The following SMAD3 variants were observed in gnomAD, a reference collection of about 807,000 sequenced individuals.
SMAD3 encodes the protein SMAD family member 3.
A neutral mutation model predicts 51.8 loss-of-function variants in SMAD3; 12 were observed. The ratio of observed to expected loss-of-function variants is 0.23; its 90% CI spans 0.15 to 0.38. The LOEUF is 0.38. Among genes scored for constraint, SMAD3 ranks in the 10% least tolerant of loss-of-function variants. SMAD3 has a pLI of 1.00. For synonymous variants in SMAD3, 238 were observed against 227.7 expected (o/e 1.05, Z -0.41); for missense variants, 294 against 565.6 (o/e 0.52, Z 4.87).
intron 8 of SMAD3, 29 bp from the exon 9 acceptor site, chr15:67,190,384 C>CA: frequency 6.2e-7 from 1 of 1,608,918 alleles, no homozygotes; most frequent in Non-Finnish European, 8.5e-7. Context: ...TTAAGTCCCC[C>CA]ACCCCACCCC....
intron 1 of SMAD3, among the ~76,000 whole-genome samples, chr15:67,079,706 A>G (rs2140203132): frequency 6.6e-6 from 1 of 152,270 alleles, no homozygotes; most frequent in South Asian, 2.1e-4. Context: ...ATGTTTACAG[A>G]GGAGGAGGCT....
intron 1 of SMAD3, 145 bp downstream of exon 1, chr15:67,066,505 G>C: frequency 2.8e-6 from 2 of 703,654 alleles, no homozygotes; most frequent in Non-Finnish European, 2.4e-6. Context: ...GAGAGTGGGA[G>C]AGCGCGGGCA....
At chr15:67,096,975 C>G (rs972921109) in intron 1 of SMAD3, among the ~76,000 whole-genome samples, 9 of 152,168 alleles carry the variant, frequency 5.9e-5, no homozygotes, top group African/African-American at 2.2e-4. Flanking sequence ...TGAGCATTTA[C>G]TTTTGTGAAT....
At chr15:67,142,278 G>T (rs533216782) in intron 1 of SMAD3, among the ~76,000 whole-genome samples, 6 of 144,762 alleles carry the variant, frequency 4.1e-5, no homozygotes, top group African/African-American at 1.3e-4. Flanking sequence ...CGTACACTTG[G>T]CCAGAAGTAG....
chr15:67,129,297 C>T (rs1185128455), intron 1 of SMAD3, among the ~76,000 whole-genome samples: 1 of 152,124 alleles, frequency 6.6e-6, no homozygotes, highest in Non-Finnish European at 1.5e-5. Context: ...GCAGTGTTGC[C>T]GGATATCACT....
At chr15:67,123,099 G>A (rs1439967746) in intron 1 of SMAD3, among the ~76,000 whole-genome samples, 2 of 149,804 alleles carry the variant, frequency 1.3e-5, no homozygotes, top group African/African-American at 4.9e-5. Context: ...TCGGGAGGCT[G>A]CAGTGTAAGG....
At chr15:67,146,659 C>T (rs556985261) in intron 1 of SMAD3, among the ~76,000 whole-genome samples, 1 of 152,270 alleles carries the variant, frequency 6.6e-6, no homozygotes, top group East Asian at 1.9e-4. Flanking sequence ...TTGAGGACAT[C>T]TCCATTTAAG....
intron 1 of SMAD3, among the ~76,000 whole-genome samples, chr15:67,091,833 G>A (rs1960514497): frequency 6.6e-6 from 1 of 152,162 alleles, no homozygotes; most frequent in African/African-American, 2.4e-5. Flanking sequence ...AACTACATCA[G>A]GTATTTAGCA....
chr15:67,098,813 G>T (rs958312577), intron 1 of SMAD3: 3 of 693,484 alleles, frequency 4.3e-6, no homozygotes, highest in African/African-American at 1.8e-5. Flanking sequence ...CCCCAGCGGG[G>T]GTCTGAGGGC....
At chr15:67,090,808 C>T (rs1360667310) in intron 1 of SMAD3, among the ~76,000 whole-genome samples, 2 of 152,114 alleles carry the variant, frequency 1.3e-5, no homozygotes, top group Non-Finnish European at 1.5e-5. Context: ...TGAAAGTAAC[C>T]CGTGACAGCA....
At chr15:67,183,029 ATATTTTTT>A (rs1338310161) in intron 6 of SMAD3, among the ~76,000 whole-genome samples, 8 of 48,110 alleles carry the variant, frequency 1.7e-4, no homozygotes, top group Admixed American at 4.0e-4. Context: ...ATATATATAT[ATATTTTTT>A]TTTTTTTTTT....
At chr15:67,129,433 A>G (rs1368077674) in intron 1 of SMAD3, among the ~76,000 whole-genome samples, 2 of 152,310 alleles carry the variant, frequency 1.3e-5, no homozygotes, top group African/African-American at 2.4e-5. Context: ...GAAAGAGACC[A>G]CATTTATATA....
chr15:67,152,935 G>A (rs762327631), intron 1 of SMAD3, among the ~76,000 whole-genome samples: 17 of 152,050 alleles, frequency 1.1e-4, no homozygotes, highest in Non-Finnish European at 2.1e-4. Context: ...GGGAAGGGAG[G>A]GGCTCTCACC....
chr15:67,088,942 C>T lies in SMAD3; in HGVS notation c.206+22582C>T, dbSNP rs1021761392. Among the ~76,000 whole-genome samples, 17 of 152,012 alleles carry T rather than the reference C, an allele frequency of 1.1e-4. 1 individual carries two copies. The highest frequency in any genetic ancestry group is 5.2e-4 in the Admixed American group (8 of 15,252). On this transcript the variant is annotated intron_variant, in intron 1 of 8. Transcript: ENST00000327367. ...ACTCTGTCTTAAAAAAAAGGGGGTG[C>T]TGGAGAGCATGTGGGGTGGATAGGG...
chr15:67,182,994 A>ATATATATATAT (rs1430882894), intron 6 of SMAD3, among the ~76,000 whole-genome samples: 1 of 55,430 alleles, frequency 1.8e-5, no homozygotes, highest in Non-Finnish European at 3.3e-5. Context: ...ATTAAAAAAA[A>ATATATATATAT]AAAAAAATAT....
At chr15:67,162,426 A>G (rs77809317) in intron 1 of SMAD3, among the ~76,000 whole-genome samples, 15 of 152,252 alleles carry the variant, frequency 9.9e-5, no homozygotes, top group African/African-American at 3.6e-4. Flanking sequence ...ATGAGCATCC[A>G]TCTCATCTGC....
intron 5 of SMAD3, among the ~76,000 whole-genome samples, chr15:67,172,590 G>A (rs1293045791): frequency 2.0e-5 from 3 of 152,204 alleles, no homozygotes; most frequent in Admixed American, 6.5e-5. Context: ...ACTGTTATTC[G>A]GAGTGCTTCC....
intron 1 of SMAD3, among the ~76,000 whole-genome samples, chr15:67,091,411 A>T (rs1960506056): frequency 6.6e-6 from 1 of 152,210 alleles, no homozygotes; most frequent in African/African-American, 2.4e-5. Context: ...TGTTGCGGTG[A>T]TACATGATGT....
In SMAD3 at chr15:67,084,070, C is replaced by CTTTT. The variant is rs56675753; in HGVS notation, c.206+17730_206+17733dup. Among the ~76,000 whole-genome samples the CTTTT allele has an allele frequency of 2.2e-3, 186 of 85,036 alleles. 2 individuals carry two copies. The highest frequency in any genetic ancestry group is 4.5e-3 in the African/African-American group (107 of 23,770). 55.8% of individuals were successfully genotyped at this position (85,036 alleles called of 152,430 possible). A position where few individuals can be genotyped will look rare whatever the true frequency, so the allele number is the denominator to read the frequency against. ...CCGTTCTCAGATTTTCTTTTTTTTTCTTTTTTTTTTTTTTTTTTTTTTTGA... is the reference window on the plus strand; with the variant it reads ...CCGTTCTCAGATTTTCTTTTTTTTTCTTTTTTTTTTTTTTTTTTTTTTTTTTTGA... On this transcript the variant is annotated intron_variant, in intron 1 of 8. Transcript: ENST00000327367.
Sources: gnomAD v4.1 joint callset for allele counts (sites outside exome capture counted in the v4.1 genomes callset) on GRCh38, gnomAD v4.1.1 for gene constraint, MANE v1.5 for transcripts, NCBI Gene and HGNC (gene_info 2026-07-23, HGNC 2026-07-21) for gene names.